The following SYN3 variants were observed in gnomAD, a reference collection of about 807,000 sequenced individuals.
SYN3 encodes the protein synapsin-3.
Under a neutral mutation model 65.8 loss-of-function variants are expected in SYN3, and 35 were observed. The observed-to-expected ratio is 0.53, with a 90% CI of 0.41 to 0.70. The LOEUF (loss-of-function observed/expected upper bound fraction) is 0.70, where lower values mean the gene tolerates loss of function less well. SYN3 is among the 30% of genes least tolerant of loss of function. The pLI is 0.00. For missense variants in SYN3, 680 were observed against 749.0 expected, an observed-to-expected ratio of 0.91 and a Z score of 1.08; for synonymous variants, 270 against 292.9, an observed-to-expected ratio of 0.92 and a Z score of 0.80.
chr22:32,730,624 G>A (rs1237918949), intron 6 of SYN3, among the ~76,000 whole-genome samples: 1 of 152,128 alleles, frequency 6.6e-6, no homozygotes, highest in Non-Finnish European at 1.5e-5. Flanking sequence ...CGACCTGAAT[G>A]GTGTACTTCC....
At chr22:32,913,081 A>C (rs2050094807) in intron 4 of SYN3, among the ~76,000 whole-genome samples, 1 of 152,158 alleles carries the variant, frequency 6.6e-6, no homozygotes, top group South Asian at 2.1e-4. Flanking sequence ...TTGCACGTGT[A>C]GGGGCAGAGG....
chr22:32,688,090 A>G (rs2060615478), intron 6 of SYN3, among the ~76,000 whole-genome samples: 1 of 152,190 alleles, frequency 6.6e-6, no homozygotes, highest in South Asian at 2.1e-4. Flanking sequence ...ATGTCAGACT[A>G]TATTTGAAAG....
At chr22:32,517,177 T>C (rs548576255) in intron 13 of SYN3, among the ~76,000 whole-genome samples, 20 of 152,344 alleles carry the variant, frequency 1.3e-4, no homozygotes, top group Admixed American at 1.2e-3. Flanking sequence ...TTCCTACCTC[T>C]TGAATGTGGG....
chr22:32,725,758 C>T (rs149828539), intron 6 of SYN3, among the ~76,000 whole-genome samples: 9 of 152,340 alleles, frequency 5.9e-5, no homozygotes, highest in African/African-American at 1.9e-4. Flanking sequence ...AGACTTCTGA[C>T]GTCCAAACAG....
Position 32,508,768 on chromosome 22 carries a change from G to A in SYN3, c.*4924C>T, listed in dbSNP as rs1460902387. On this transcript the variant is annotated 3_prime_UTR_variant, in exon 14 of 14. Coordinates refer to ENST00000358763, the MANE Select transcript of SYN3 (RefSeq NM_003490.4). ...TTTTATTTCATAGTTTTCTAGGAGG[G>A]CTGAGCTAAAACATGTCCTGAACAC... Among the ~76,000 whole-genome samples the A allele has an allele frequency of 2.0e-5, 3 of 152,098 alleles. No homozygotes were observed. The East Asian group carries it at 5.8e-4, about 29-fold the overall frequency.
At chr22:32,829,786 A>T (rs139823632) in intron 6 of SYN3, among the ~76,000 whole-genome samples, 70 of 152,358 alleles carry the variant, frequency 4.6e-4, no homozygotes, top group Non-Finnish European at 7.9e-4. Context: ...CTCCTCCAGA[A>T]GGAAGGTTTG....
At chr22:32,527,340 C>T (rs1263753017) in intron 12 of SYN3, among the ~76,000 whole-genome samples, 2 of 152,220 alleles carry the variant, frequency 1.3e-5, no homozygotes, top group Non-Finnish European at 2.9e-5. Context: ...AGGCTCACGC[C>T]TGTAATCCCA....
In SYN3 at chr22:32,509,675, TCTC is replaced by T; in HGVS notation, c.*4014_*4016del. Among the ~76,000 whole-genome samples, 1 of 152,066 alleles carries T rather than the reference TCTC, an allele frequency of 6.6e-6. No homozygotes were observed. The highest frequency in any genetic ancestry group is 2.4e-5 in the African/African-American group (1 of 41,492). ...GCTCCGCCTCCCGGGTTCACGCCATTCTCCTGCCTCAGCCTCCCTAGTAGCTGG... is the reference window on the plus strand; with the variant it reads ...GCTCCGCCTCCCGGGTTCACGCCATTCTGCCTCAGCCTCCCTAGTAGCTGG... On this transcript the variant is annotated 3_prime_UTR_variant, in exon 14 of 14. Transcript: ENST00000358763.
rs2057671471 is a variant in SYN3, at chr22:32,509,734, A to G, written c.*3958T>C. Among the ~76,000 whole-genome samples the G allele has an allele frequency of 6.6e-6, 1 of 151,864 alleles. No individual in the cohort carries two copies. The highest frequency in any genetic ancestry group is 2.4e-5 in the African/African-American group (1 of 41,302). On this transcript the variant is annotated 3_prime_UTR_variant, in exon 14 of 14. Coordinates refer to ENST00000358763, the MANE Select transcript of SYN3 (RefSeq NM_003490.4). Reference sequence around the variant, plus strand: ...CAGGCGCCCGCTACCACGCCCGGCTAATTTTTTATATTTTTAGTAGAGATG... The same window carrying G: ...CAGGCGCCCGCTACCACGCCCGGCTGATTTTTTATATTTTTAGTAGAGATG...
chr22:33,018,783 G>C (rs375144703), intron 1 of SYN3, among the ~76,000 whole-genome samples: 2 of 152,134 alleles, frequency 1.3e-5, no homozygotes, highest in East Asian at 1.9e-4. Context: ...CCTCAGATGA[G>C]TTTATGCACC....
chr22:33,027,001 T>C (rs563929239), intron 1 of SYN3, among the ~76,000 whole-genome samples: 114 of 152,330 alleles, frequency 7.5e-4, no homozygotes, highest in Non-Finnish European at 1.1e-3. Context: ...CTCCCTTCTT[T>C]ATTTTCCTCC....
chr22:33,013,738 C>T (rs1179599117), intron 1 of SYN3, among the ~76,000 whole-genome samples: 12 of 152,160 alleles, frequency 7.9e-5, no homozygotes, highest in Non-Finnish European at 8.8e-5. Flanking sequence ...GCCCCCTCTC[C>T]AGCCTTAGGC....
intron 6 of SYN3, among the ~76,000 whole-genome samples, chr22:32,838,858 A>T (rs886596967): frequency 1.3e-5 from 2 of 151,860 alleles, no homozygotes; most frequent in East Asian, 3.9e-4. Context: ...GCTCTATGCC[A>T]TGTGCTGGAG....
chr22:32,856,000 A>G (rs1205338295), intron 6 of SYN3, among the ~76,000 whole-genome samples: 1 of 152,234 alleles, frequency 6.6e-6, no homozygotes, highest in Non-Finnish European at 1.5e-5. Context: ...GCTCAGAAGA[A>G]TAAAAAACAT....
At chr22:32,931,325 G>C (rs992019222) in intron 4 of SYN3, 65 bp downstream of exon 4, 1 of 1,072,810 alleles carries the variant, frequency 9.3e-7, no homozygotes, top group African/African-American at 1.5e-5. Context: ...GGACGGAGGG[G>C]TGGGCTACAT....
At chr22:32,678,442 C>T (rs984686559) in intron 6 of SYN3, among the ~76,000 whole-genome samples, 69 of 152,266 alleles carry the variant, frequency 4.5e-4, no homozygotes, top group African/African-American at 1.6e-3. Flanking sequence ...ACAATTAGTC[C>T]AGGCAGGACA....
At position 32,784,667 on chromosome 22, in the gene SYN3, CA is replaced by C. The variant is rs557418624; in HGVS notation, c.711+80247del. Among the ~76,000 whole-genome samples the C allele has an allele frequency of 2.1e-3, 327 of 152,320 alleles. 1 individual carries two copies. Among genetic ancestry groups the C allele is most frequent in the Middle Eastern group, 0.01 (3 of 294 alleles). On this transcript the variant is annotated intron_variant, in intron 6 of 13. Transcript: ENST00000358763. ...CAGAGTGTATGGCAACATTGTCATG[CA>C]GCAATACATAGGTAACTAACAACAA...
intron 4 of SYN3, among the ~76,000 whole-genome samples, chr22:32,920,378 C>T (rs986970359): frequency 2.6e-4 from 40 of 152,272 alleles, no homozygotes; most frequent in African/African-American, 9.1e-4. Context: ...TCCAGAACAG[C>T]GAAGGCACTC....
chr22:32,572,329 G>A (rs1039702952), intron 7 of SYN3, among the ~76,000 whole-genome samples: 11 of 48,666 alleles, frequency 2.3e-4, no homozygotes, highest in African/African-American at 5.8e-4. Context: ...CCTTCCTTCC[G>A]TCCCTCCCTT....
Sources: gnomAD v4.1 joint callset for allele counts (sites outside exome capture counted in the v4.1 genomes callset) on GRCh38, gnomAD v4.1.1 for gene constraint, MANE v1.5 for transcripts, NCBI Gene and HGNC (gene_info 2026-07-23, HGNC 2026-07-21) for gene names.